NOP14: variants seen among roughly 807,000 people sequenced by gnomAD.
NOP14 encodes nucleolar protein 14.
Under a neutral mutation model 101.6 loss-of-function variants are expected in NOP14, and 57 were observed. The ratio of observed to expected loss-of-function variants is 0.56; its 90% CI spans 0.45 to 0.70. The LOEUF (loss-of-function observed/expected upper bound fraction) is 0.70. Ranked by LOEUF, NOP14 falls within the 30% of genes least tolerant of loss-of-function variation. NOP14 has a pLI of 0.00. For synonymous variants in NOP14, 428 were observed against 424.0 expected (o/e 1.01, Z -0.12); for missense variants, 1,134 against 1,075.5 (o/e 1.05, Z -0.76).
Position 2,954,470 on chromosome 4 carries a change from C to T in NOP14, c.566G>A (p.Arg189Gln), listed in dbSNP as rs370278905. ...AATGAGCTCTTCAATCAGCTCTTTC[C>T]GGGACTTCGGTTTCTCCCGCTCCTC... ...EGEEREKPKS[R>Q]KELIEELIAK... The change falls in exon 4 of 18, where the codon CGG becomes CAG. Residue 189 changes from arginine to glutamine, a missense_variant. Coordinates refer to ENST00000416614, the MANE Select transcript of NOP14 (RefSeq NM_001291978.2). The T allele has an allele frequency of 1.4e-5, 22 of 1,614,042 alleles. No individual in the cohort carries two copies. Among genetic ancestry groups the T allele is most frequent in the Middle Eastern group, 1.6e-4 (1 of 6,082 alleles).
chr4:2,943,496 G>T (rs1234882869), intron 13 of NOP14, among the ~76,000 whole-genome samples: 3 of 152,216 alleles, frequency 2.0e-5, no homozygotes, highest in Non-Finnish European at 2.9e-5. Context: ...GGGGAAGGGG[G>T]AGGAGCACAG....
intron 13 of NOP14, among the ~76,000 whole-genome samples, chr4:2,943,611 G>C (rs576713797): frequency 6.6e-6 from 1 of 152,222 alleles, no homozygotes; most frequent in Admixed American, 6.5e-5. Context: ...TAAGAGAAGC[G>C]ACACAGCAGC....
At chr4:2,939,498 C>T (rs1440614023) in intron 16 of NOP14, 29 bp downstream of exon 16, 2 of 1,596,116 alleles carry the variant, frequency 1.3e-6, no homozygotes, top group East Asian at 2.2e-5. Context: ...ACAGCCCTGG[C>T]CTCCCAGGGA....
chr4:2,943,953 T>G (rs929933146), intron 13 of NOP14, 120 bp downstream of exon 13: 62 of 747,710 alleles, frequency 8.3e-5, no homozygotes, highest in Admixed American at 5.7e-5. Context: ...GTGCGGCGGG[T>G]GGCAGGTTGT....
At chr4:2,945,385 C>A (rs1004967012) in intron 11 of NOP14, among the ~76,000 whole-genome samples, 156 bp from the exon 12 acceptor site, 4 of 152,114 alleles carry the variant, frequency 2.6e-5, no homozygotes, top group African/African-American at 9.7e-5. Context: ...GAACAGGCGT[C>A]CAACCACCGT....
rs766595193 is a variant in NOP14 at position 2,963,283 on chromosome 4, C to T, written c.37G>A (p.Ala13Thr). 5.0e-6 allele frequency: 8 copies of T among 1,593,178 alleles called. No individual in the cohort carries two copies. The South Asian group carries it at 7.8e-5, about 16-fold the overall frequency. Residue 13 changes from alanine (A) to threonine (T), a missense_variant, in exon 1 of 18, where the codon GCC becomes ACC. Physicochemically the swap from Ala to Thr is moderately conservative, Grantham distance 58. Coordinates refer to ENST00000416614, the MANE Select transcript of NOP14 (RefSeq NM_001291978.2). ...KAKKVGARRKASGAPAGARGG... is the reference protein window; with the variant it reads ...KAKKVGARRKTSGAPAGARGG... ...CGCGCTCCCGCCGGCGCCCCGGAGG[C>T]CTTCCTTCGCGCCCCGACCTTCTTC... is the stretch of plus-strand genomic sequence containing the variant.
chr4:2,957,708 T>C lies in NOP14; in HGVS notation c.228A>G (p.Glu76=). The change falls in exon 2 of 18, where the codon GAA becomes GAG. Residue 76 remains glutamate, a synonymous_variant. Transcript: ENST00000416614. ...RTQTLLKEYK[E]RDKSNVFRDK... The stretch of plus-strand genomic sequence containing the variant: ...CTCTGAATACATTGGATTTATCCCT[T>C]TCTTTGTACTCTTTTAGTAAAGTCT... 1 of 1,614,210 alleles carries C rather than the reference T, an allele frequency of 6.2e-7. No individual in the cohort carries two copies.
At position 2,937,963 on chromosome 4, in the gene NOP14, G is replaced by T; in HGVS notation, c.*868C>A. 5.0e-6 allele frequency: 1 copy of T among 200,436 alleles called. No homozygotes were observed. Among genetic ancestry groups the T allele is most frequent in the Non-Finnish European group, 1.0e-5 (1 of 96,094 alleles). 12.4% of individuals were successfully genotyped at this position (200,436 alleles called of 1,614,324 possible). A position where few individuals can be genotyped will look rare whatever the true frequency, so the allele number is the denominator to read the frequency against. ...TCATTTATAATTGAAAATATAATTT[G>T]CATAACAACAGTAAATTCTACACAT... On this transcript the variant is annotated 3_prime_UTR_variant, in exon 18 of 18. Coordinates refer to ENST00000416614, the MANE Select transcript of NOP14 (RefSeq NM_001291978.2).
intron 8 of NOP14, among the ~76,000 whole-genome samples, chr4:2,948,885 C>T (rs1478675055): frequency 1.3e-5 from 2 of 152,250 alleles, no homozygotes; most frequent in African/African-American, 4.8e-5. Context: ...GGGGTCTCAG[C>T]CATCCTGACC....
In NOP14 at chr4:2,939,253, G is replaced by A. The variant is rs113489274; in HGVS notation, c.2409C>T (p.Ala803=). ...GATTGTCCTTGCGGATTTCTCGAAC[G>A]GCCCCTTTAAATTCACGCTTGTGTT... ...IHKHKREFKG[A]VREIRKDNQF... is the part of the protein sequence containing the mutation. The change falls in exon 17 of 18, where the codon GCC becomes GCT. Residue 803 remains alanine (A), a synonymous_variant. Coordinates refer to ENST00000416614, the MANE Select transcript of NOP14 (RefSeq NM_001291978.2). 310 of 1,614,004 alleles carry A rather than the reference G, an allele frequency of 1.9e-4. No homozygotes were observed. Among genetic ancestry groups the A allele is most frequent in the Middle Eastern group, 1.2e-3 (7 of 6,062 alleles).
At chr4:2,951,321 G>T in intron 6 of NOP14, 76 bp from the exon 7 acceptor site, 2 of 1,396,948 alleles carry the variant, frequency 1.4e-6, no homozygotes, top group South Asian at 1.3e-5. Context: ...GTCCTGCCCT[G>T]GGCAGCGGGC....
intron 1 of NOP14, among the ~76,000 whole-genome samples, chr4:2,960,823 T>C (rs1213503867): frequency 1.5e-5 from 1 of 64,666 alleles, no homozygotes; most frequent in Non-Finnish European, 3.0e-5. Context: ...ATAATCACAT[T>C]ATCAATATAT....
At chr4:2,944,682 C>G (rs1458897916) in intron 12 of NOP14, among the ~76,000 whole-genome samples, 2 of 152,250 alleles carry the variant, frequency 1.3e-5, no homozygotes, top group East Asian at 3.8e-4. Flanking sequence ...GCTGGGATTA[C>G]AGGCGTGAGC....
Position 2,963,163 on chromosome 4 carries a change from C to G in NOP14, c.157G>C (p.Gly53Arg). Reference sequence around the variant, plus strand: ...CGTGCGCGAGACACCCCGGGCAGTCCCACGTCGTGGCGCGTCTTCCGGCCC... The same window carrying G: ...CGTGCGCGAGACACCCCGGGCAGTCGCACGTCGTGGCGCGTCTTCCGGCCC... ...ILGRKTRHDV[G>R]LPGVSRARAL... The change falls in exon 1 of 18, where the codon GGA (glycine) becomes CGA (arginine). Residue 53 changes from glycine (G) to arginine (R), a missense_variant. Physicochemically the swap from Gly to Arg is moderately radical, Grantham distance 125. Transcript: ENST00000416614. 6.3e-7 allele frequency: 1 copy of G among 1,579,214 alleles called. No individual in the cohort carries two copies. Among genetic ancestry groups the G allele is most frequent in the Non-Finnish European group, 8.6e-7 (1 of 1,165,592 alleles).
rs1288819681 is a variant in NOP14, at chr4:2,938,271, C to T, written c.*560G>A. The T allele has an allele frequency of 5.5e-6, 7 of 1,268,796 alleles. No individual in the cohort carries two copies. Among genetic ancestry groups the T allele is most frequent in the African/African-American group, 1.5e-5 (1 of 65,370 alleles). 78.6% of individuals were successfully genotyped at this position (1,268,796 alleles called of 1,614,324 possible). A position where few individuals can be genotyped will look rare whatever the true frequency, so the allele number is the denominator to read the frequency against. ...TTTGGCTGGGTGCTGTGGCTCACAC[C>T]TATAATTGGGGGGCCAAGGCAGGTG... On this transcript the variant is annotated 3_prime_UTR_variant, in exon 18 of 18. Transcript: ENST00000416614.
chr4:2,946,581 G>A (rs368342136), intron 10 of NOP14, 34 bp from the exon 11 acceptor site: 327 of 1,609,654 alleles, frequency 2.0e-4, no homozygotes, highest in Admixed American at 2.5e-4. Context: ...AGGAGAGAAT[G>A]ACTTTAGATA....
At chr4:2,959,181 C>T (rs1489688425) in intron 1 of NOP14, among the ~76,000 whole-genome samples, 1 of 152,232 alleles carries the variant, frequency 6.6e-6, no homozygotes, top group Non-Finnish European at 1.5e-5. Flanking sequence ...CAATTTTCGT[C>T]ATTTTCTTCA....
At chr4:2,945,089 G>T in intron 12 of NOP14, 39 bp downstream of exon 12, 1 of 1,438,434 alleles carries the variant, frequency 7.0e-7, no homozygotes, top group Non-Finnish European at 9.6e-7. Context: ...CACCCGTGGT[G>T]CAGCAGGCCG....
chr4:2,939,674 G>A (rs200208760), intron 15 of NOP14, 29 bp from the exon 16 acceptor site: 72 of 1,539,294 alleles, frequency 4.7e-5, no homozygotes, highest in East Asian at 1.1e-4. Context: ...CCGACTCTGC[G>A]ATGACTCACC....
Sources: allele counts gnomAD v4.1 joint callset (sites outside exome capture counted in the v4.1 genomes callset), GRCh38; gene constraint gnomAD v4.1.1; transcripts MANE v1.5; gene names NCBI Gene and HGNC (gene_info 2026-07-23, HGNC 2026-07-21).